STAB1: variants seen among roughly 807,000 people sequenced by gnomAD.
STAB1 encodes the protein stabilin-1.
In STAB1, 250 loss-of-function variants were observed where a neutral mutation model predicts 332.4. The observed-to-expected ratio is 0.75, with a 90% CI of 0.68 to 0.84. STAB1 has a LOEUF of 0.84. Among genes scored for constraint, STAB1 ranks in the 40% least tolerant of loss-of-function variants. The pLI is 0.00. For synonymous variants in STAB1, 1,475 were observed against 1,390.4 expected (o/e 1.06, Z -1.35); for missense variants, 3,249 against 3,489.7 (o/e 0.93, Z 1.74).
At position 52,506,244 on chromosome 3, in the gene STAB1, T is replaced by G. The variant is rs767193582; in HGVS notation, c.1824T>G (p.Ser608=). The G allele has an allele frequency of 2.4e-5, 38 of 1,611,316 alleles. No homozygotes were observed. In the East Asian group the frequency reaches 7.8e-4, roughly 33 times the overall value. The part of the protein sequence containing the change: ...MANQVLAVNI[S]EEGRILLGPE... ...ACCAGGTCCTGGCTGTGAACATTTC[T>G]GAGGAGGTGAGGTGCACGGACACCT... Residue 608 remains serine (S), a synonymous_variant, in exon 17 of 69, where the codon TCT becomes TCG. Transcript: ENST00000321725.
chr3:52,502,134 G>A (rs757541695), intron 4 of STAB1, 25 bp from the exon 5 acceptor site: 14 of 1,613,542 alleles, frequency 8.7e-6, no homozygotes, highest in East Asian at 2.2e-5. Context: ...GAGGGGCCAC[G>A]CTGACTTGGT....
Position 52,521,867 on chromosome 3 carries a change from C to A in STAB1, c.6187C>A (p.Pro2063Thr). The A allele has an allele frequency of 1.2e-6, 2 of 1,603,314 alleles. No individual in the cohort carries two copies. The highest frequency in any genetic ancestry group is 2.2e-5 in the East Asian group (1 of 44,734). The change falls in exon 58 of 69, where the codon CCC becomes ACC. Residue 2063 changes from proline (P) to threonine (T), a missense_variant. Transcript: ENST00000321725. The part of the protein sequence containing the change: ...QLELQPVCTP[P>T]CAPEAVCRAG... The stretch of plus-strand genomic sequence containing the variant: ...AGAGCTGCAGCCTGTGTGTACCCCA[C>A]CCTGTGCACCCGAGGCTGTGTGCCG...
intron 61 of STAB1, 37 bp from the exon 62 acceptor site, chr3:52,522,738 G>C (rs773674356): frequency 1.2e-6 from 2 of 1,612,518 alleles, no homozygotes; most frequent in Non-Finnish European, 1.7e-6. Context: ...GGCCTTGACT[G>C]GGTCTTGGGT....
intron 1 of STAB1, among the ~76,000 whole-genome samples, chr3:52,497,659 C>A (rs1381760546): frequency 6.6e-6 from 1 of 150,566 alleles, no homozygotes; most frequent in Non-Finnish European, 1.5e-5. Flanking sequence ...GTGATCTACC[C>A]TCTTCGGCCT....
In STAB1 at chr3:52,502,027, C is replaced by A. The variant is rs746438010; in HGVS notation, c.353C>A (p.Thr118Asn). Residue 118 changes from threonine (T) to asparagine (N), a missense_variant, in exon 4 of 69, where the codon ACC (threonine) becomes AAC (asparagine). By Grantham distance (65) the Thr-to-Asn change is moderately conservative (BLOSUM62 0). Coordinates refer to ENST00000321725, the MANE Select transcript of STAB1 (RefSeq NM_015136.3). ...RCHECPGGAE[T>N]PCNGHGTCLD... Reference sequence around the variant, plus strand: ...ACAGAATGCCCTGGGGGCGCTGAGACCCCATGCAATGGCCACGGGACCTGC... The same window carrying A: ...ACAGAATGCCCTGGGGGCGCTGAGAACCCATGCAATGGCCACGGGACCTGC... The A allele has an allele frequency of 1.2e-6, 2 of 1,612,838 alleles. No homozygotes were observed. The highest frequency in any genetic ancestry group is 3.3e-5 in the Admixed American group (2 of 60,000).
rs769362821 is a variant in STAB1, at chr3:52,512,563, G to A, written c.2980-33G>A. ...GGGAAGGGGCTTGAATTTGCCCCTG[G>A]TCCTGTGACCTCAGACTTTTCCCTT... On this transcript the variant is annotated intron_variant, in intron 27 of 68. Transcript: ENST00000321725. 46 of 1,613,774 alleles carry A rather than the reference G, an allele frequency of 2.9e-5. No individual in the cohort carries two copies. The East Asian group carries it at 3.6e-4, about 13-fold the overall frequency.
Position 52,511,830 on chromosome 3 carries a change from G to T in STAB1, c.2883+85G>T. The stretch of plus-strand genomic sequence containing the variant: ...GCTCTCTCCCTCCCTCCCCATCTCT[G>T]GGTGTCTCTCTGTACCCCCTCAGGA... On this transcript the variant is annotated intron_variant, in intron 26 of 68. Coordinates refer to ENST00000321725, the MANE Select transcript of STAB1 (RefSeq NM_015136.3). 2.7e-6 allele frequency: 3 copies of T among 1,113,144 alleles called. No homozygotes were observed. The East Asian group carries it at 8.1e-5, about 30-fold the overall frequency. 69.0% of individuals were successfully genotyped at this position (1,113,144 alleles called of 1,614,324 possible). A position where few individuals can be genotyped will look rare whatever the true frequency, so the allele number is the denominator to read the frequency against.
intron 1 of STAB1, 24 bp downstream of exon 1, chr3:52,495,515 G>A (rs752998370): frequency 8.4e-6 from 11 of 1,312,228 alleles, no homozygotes; most frequent in Admixed American, 6.8e-5. Flanking sequence ...AGTCGCAGGG[G>A]CACACGGCGT....
In STAB1 at chr3:52,504,420, TC is replaced by T. The variant is rs1377071914; in HGVS notation, c.1151-37del. On this transcript the variant is annotated intron_variant, in intron 10 of 68. Transcript: ENST00000321725. ...AACATCTTCTGAGATCCCCAGAGTC[TC>T]CCCAGCTCCCTTCTGATGCTCCCTC... The T allele has an allele frequency of 1.9e-6, 3 of 1,603,924 alleles. No homozygotes were observed. The Admixed American group carries it at 5.0e-5, about 27-fold the overall frequency.
intron 68 of STAB1, 29 bp downstream of exon 68, chr3:52,524,242 G>C: frequency 6.2e-7 from 1 of 1,614,028 alleles, no homozygotes; most frequent in East Asian, 2.2e-5. Flanking sequence ...AAGTGTGGCA[G>C]ATGTGGGATG....
rs374912101 is a variant in STAB1, at chr3:52,516,688, C to T, written c.4287-4C>T. The T allele has an allele frequency of 5.0e-6, 8 of 1,612,332 alleles. No homozygotes were observed. Among genetic ancestry groups the T allele is most frequent in the Middle Eastern group, 1.7e-4 (1 of 5,932 alleles). ...GGCTAAGCTGCTGCTACCACCCCTC[C>T]CAGCTGCGTGCAGGACTCGGCCGGA... is the stretch of plus-strand genomic sequence containing the variant. On this transcript the variant is annotated splice_polypyrimidine_tract_variant and splice_region_variant and intron_variant, in intron 40 of 68. Coordinates refer to ENST00000321725, the MANE Select transcript of STAB1 (RefSeq NM_015136.3).
Position 52,520,124 on chromosome 3 carries a change from G to A in STAB1, c.5412+4G>A. On this transcript the variant is annotated splice_donor_region_variant and intron_variant, in intron 51 of 68. Coordinates refer to ENST00000321725, the MANE Select transcript of STAB1 (RefSeq NM_015136.3). ...CCACATGATTCGCAATGTCGAGGTGGGTGCAGCCCCCAACCTTGGTCTTCA... is the reference window on the plus strand; with the variant it reads ...CCACATGATTCGCAATGTCGAGGTGAGTGCAGCCCCCAACCTTGGTCTTCA... 1 of 1,610,472 alleles carries A rather than the reference G, an allele frequency of 6.2e-7. No homozygotes were observed. The highest frequency in any genetic ancestry group is 2.2e-5 in the East Asian group (1 of 44,766).
intron 1 of STAB1, among the ~76,000 whole-genome samples, chr3:52,497,379 G>A (rs1303598700): frequency 6.8e-6 from 1 of 147,258 alleles, no homozygotes. Context: ...ACGGGAGGAT[G>A]TGCATAGATT....
chr3:52,507,781 C>G, intron 19 of STAB1, 106 bp downstream of exon 19: 1 of 1,513,446 alleles, frequency 6.6e-7, no homozygotes, highest in Non-Finnish European at 9.1e-7. Context: ...GAGGCTAGAT[C>G]ACACCTGGAG....
rs939471121 is a variant in STAB1 at position 52,518,601 on chromosome 3, C to A, written c.4875C>A (p.Ser1625Arg). The A allele has an allele frequency of 6.2e-7, 1 of 1,605,522 alleles. No homozygotes were observed. The highest frequency in any genetic ancestry group is 8.5e-7 in the Non-Finnish European group (1 of 1,176,468). ...TIFVPHADLM[S>R]NLSQDELARI... Reference sequence around the variant, plus strand: ...TCGTGCCGCACGCAGATCTAATGAGCAACCTGTCGCAGGTATGCAGCCCCC... The same window carrying A: ...TCGTGCCGCACGCAGATCTAATGAGAAACCTGTCGCAGGTATGCAGCCCCC... Residue 1625 changes from serine to arginine, a missense_variant, in exon 47 of 69, where the codon AGC becomes AGA. By Grantham distance (110) the Ser-to-Arg change is moderately radical. Coordinates refer to ENST00000321725, the MANE Select transcript of STAB1 (RefSeq NM_015136.3).
chr3:52,497,126 C>T (rs949267659), intron 1 of STAB1, among the ~76,000 whole-genome samples: 1 of 152,104 alleles, frequency 6.6e-6, no homozygotes, highest in Non-Finnish European at 1.5e-5. Flanking sequence ...CTCAGCCTCC[C>T]GAGAACTGGG....
Position 52,516,682 on chromosome 3 carries a change from C to A in STAB1, c.4287-10C>A, listed in dbSNP as rs1343502249. 3.7e-6 allele frequency: 6 copies of A among 1,612,446 alleles called. No homozygotes were observed. The highest frequency in any genetic ancestry group is 5.1e-6 in the Non-Finnish European group (6 of 1,179,922). On this transcript the variant is annotated splice_polypyrimidine_tract_variant and intron_variant, in intron 40 of 68. Coordinates refer to ENST00000321725, the MANE Select transcript of STAB1 (RefSeq NM_015136.3). ...GGCATGGGCTAAGCTGCTGCTACCA[C>A]CCCTCCCAGCTGCGTGCAGGACTCG...
At chr3:52,507,825 T>C in intron 19 of STAB1, 106 bp from the exon 20 acceptor site, 1 of 1,454,874 alleles carries the variant, frequency 6.9e-7, no homozygotes, top group Non-Finnish European at 9.6e-7. Flanking sequence ...GGACCAGGGT[T>C]AGAGTTCTGG....
chr3:52,513,371 G>A (rs769253697), intron 30 of STAB1, 130 bp downstream of exon 30: 40 of 897,780 alleles, frequency 4.5e-5, no homozygotes, highest in Non-Finnish European at 6.2e-5. Context: ...GCCCAGAGCC[G>A]GGCTCAAAGG....
Sources: allele counts gnomAD v4.1 joint callset (sites outside exome capture counted in the v4.1 genomes callset), GRCh38; gene constraint gnomAD v4.1.1; transcripts MANE v1.5; gene names NCBI Gene and HGNC (gene_info 2026-07-23, HGNC 2026-07-21).